Variants in DENND4A observed in about 807,000 individuals in gnomAD.
DENND4A encodes C-myc promoter-binding protein.
A neutral mutation model predicts 199.3 loss-of-function variants in DENND4A; 70 were observed. The observed-to-expected ratio is 0.35, with a 90% CI of 0.29 to 0.43. The LOEUF (loss-of-function observed/expected upper bound fraction) is 0.43, where lower values mean the gene tolerates loss of function less well. Ranked by LOEUF, DENND4A falls within the 20% of genes least tolerant of loss-of-function variation. The probability of loss-of-function intolerance (pLI) is 1.00; values close to 1 mark genes in which losing one functional copy is unlikely to be tolerated. For missense variants in DENND4A, 1,723 were observed against 2,255.8 expected (o/e 0.76, Z 4.78); for synonymous variants, 686 against 766.9 (o/e 0.89, Z 1.74).
intron 1 of DENND4A, among the ~76,000 whole-genome samples, chr15:65,762,850 T>C (rs999527303): frequency 2.6e-5 from 4 of 151,938 alleles, no homozygotes; most frequent in African/African-American, 7.3e-5. Context: ...CGGGTGGAGG[T>C]TGGGGGTATC....
rs1317874728 is a variant in DENND4A, at chr15:65,660,518, T to G, written c.*1333A>C. The G allele has an allele frequency of 2.4e-6, 1 of 425,042 alleles. No individual in the cohort carries two copies. The highest frequency in any genetic ancestry group is 4.2e-6 in the Non-Finnish European group (1 of 240,366). 26.3% of individuals were successfully genotyped at this position (425,042 alleles called of 1,614,324 possible). A position where few individuals can be genotyped will look rare whatever the true frequency, so the allele number is the denominator to read the frequency against. On this transcript the variant is annotated 3_prime_UTR_variant, in exon 33 of 33. Transcript: ENST00000443035. Reference sequence around the variant, plus strand: ...AATGTGTGCAAACACACACACATATTGAAAATCTATAACTAATTCTAGCAG... The same window carrying G: ...AATGTGTGCAAACACACACACATATGGAAAATCTATAACTAATTCTAGCAG...
rs1239060983 is a variant in DENND4A, at chr15:65,691,263, G to A, written c.3331C>T (p.Leu1111Phe). 6.2e-7 allele frequency: 1 copy of A among 1,613,026 alleles called. No homozygotes were observed. Among genetic ancestry groups the A allele is most frequent in the African/African-American group, 1.3e-5 (1 of 74,978 alleles). ...GTGCTTTTTGAGATAACATTTGAAA[G>A]AATTTTTGCATCAGCTCCCAATTTT... Reference protein sequence around the residue: ...VEKLGADAKILSNVISKSTRP... With the variant: ...VEKLGADAKIFSNVISKSTRP... Residue 1111 changes from leucine (L) to phenylalanine (F), a missense_variant, in exon 23 of 33, where the codon CTT becomes TTT. Coordinates refer to ENST00000443035, the MANE Select transcript of DENND4A (RefSeq NM_001320835.1).
chr15:65,752,888 T>C (rs75136148), intron 3 of DENND4A, among the ~76,000 whole-genome samples: 1 of 152,220 alleles, frequency 6.6e-6, no homozygotes, highest in Non-Finnish European at 1.5e-5. Context: ...AATGTGAAGG[T>C]ACCTATTTTG....
chr15:65,694,871 C>T (rs1388163548), intron 22 of DENND4A, among the ~76,000 whole-genome samples: 1 of 152,062 alleles, frequency 6.6e-6, no homozygotes, highest in African/African-American at 2.4e-5. Flanking sequence ...AGATGATTAA[C>T]CAGATGCTTA....
intron 1 of DENND4A, chr15:65,766,531 T>C (rs900300907): frequency 1.3e-5 from 2 of 152,200 alleles, no homozygotes; most frequent in African/African-American, 2.4e-5. Flanking sequence ...AAATATGGTA[T>C]TGTGGGACAC....
chr15:65,737,758 G>C lies in DENND4A; in HGVS notation c.989C>G (p.Thr330Ser). ...PFFDAFRKFL[T>S]FLYRYSISGP... Reference sequence around the variant, plus strand: ...AGAGATGGAATAACGATACAGAAAAGTCAGAAACTTCCTGAATGCATCAAA... The same window carrying C: ...AGAGATGGAATAACGATACAGAAAACTCAGAAACTTCCTGAATGCATCAAA... Residue 330 changes from threonine to serine, a missense_variant, in exon 7 of 33, where the codon ACT becomes AGT. Around this residue, in one of 6 missense-constraint regions of DENND4A, gnomAD observed 725 missense variants for 952.9 expected, o/e 0.76. Transcript: ENST00000443035. 6.3e-7 allele frequency: 1 copy of C among 1,590,426 alleles called. No individual in the cohort carries two copies. Among genetic ancestry groups the C allele is most frequent in the South Asian group, 1.1e-5 (1 of 87,096 alleles).
intron 23 of DENND4A, among the ~76,000 whole-genome samples, chr15:65,685,131 ATTTT>A (rs755319285): frequency 1.5e-5 from 2 of 136,426 alleles, no homozygotes; most frequent in Non-Finnish European, 3.2e-5. Flanking sequence ...CCCGCCCACA[ATTTT>A]TTTTTTTTTG....
chr15:65,782,774 TC>T (rs2077466153), intron 1 of DENND4A, among the ~76,000 whole-genome samples: 1 of 152,240 alleles, frequency 6.6e-6, no homozygotes, highest in Non-Finnish European at 1.5e-5. Flanking sequence ...TTTTAAGCTT[TC>T]AAATATTATT....
At chr15:65,739,506 T>C (rs575499186) in intron 5 of DENND4A, among the ~76,000 whole-genome samples, 2 of 152,288 alleles carry the variant, frequency 1.3e-5, no homozygotes, top group South Asian at 4.1e-4. Context: ...TTCCACTGAA[T>C]ACACTCCAGG....
At chr15:65,709,723 T>TATATATATATATAC (rs2075185350) in intron 14 of DENND4A, among the ~76,000 whole-genome samples, 1 of 99,828 alleles carries the variant, frequency 1.0e-5, no homozygotes, top group African/African-American at 3.4e-5. Flanking sequence ...AAAAAAAATA[T>TATATATATATATAC]ATATATATAT....
chr15:65,765,907 C>T (rs868552762), intron 1 of DENND4A, among the ~76,000 whole-genome samples: 4 of 152,122 alleles, frequency 2.6e-5, no homozygotes, highest in South Asian at 2.1e-4. Flanking sequence ...AAAGTACATA[C>T]GGCCAATGAA....
Position 65,701,125 on chromosome 15 carries a change from T to C in DENND4A, c.2627A>G (p.Asn876Ser). The C allele has an allele frequency of 6.2e-7, 1 of 1,610,788 alleles. No homozygotes were observed. Among genetic ancestry groups the C allele is most frequent in the Non-Finnish European group, 8.5e-7 (1 of 1,178,654 alleles). Residue 876 changes from asparagine to serine, a missense_variant, in exon 19 of 33, where the codon AAT becomes AGT. Coordinates refer to ENST00000443035, the MANE Select transcript of DENND4A (RefSeq NM_001320835.1). ...SGYFLWTKVR[N>S]VVLGVTQFKR... ...GAACTGTGTTACTCCTAAAACAACA[T>C]TTCTTACTTTTGTCCAAAGAAAATA...
At chr15:65,776,284 A>G (rs1388111426) in intron 1 of DENND4A, among the ~76,000 whole-genome samples, 1 of 152,234 alleles carries the variant, frequency 6.6e-6, no homozygotes, top group Non-Finnish European at 1.5e-5. Flanking sequence ...TTAATATTAA[A>G]GAAGGTATAT....
chr15:65,696,625 T>A, intron 21 of DENND4A, 128 bp from the exon 22 acceptor site: 1 of 588,576 alleles, frequency 1.7e-6, no homozygotes, highest in South Asian at 2.2e-5. Flanking sequence ...TGAACACCTC[T>A]ATATCTGTTT....
At chr15:65,668,177 C>T (rs2076102237) in intron 27 of DENND4A, 54 bp from the exon 28 acceptor site, 4 of 1,122,392 alleles carry the variant, frequency 3.6e-6, no homozygotes, top group Admixed American at 5.9e-5. Context: ...TACTTTACTT[C>T]ATCAACAAGG....
intron 14 of DENND4A, among the ~76,000 whole-genome samples, chr15:65,706,817 T>C (rs1227107381): frequency 6.6e-6 from 1 of 151,942 alleles, no homozygotes; most frequent in African/African-American, 2.4e-5. Flanking sequence ...TATATTTACA[T>C]AAAGAAATAC....
At position 65,660,468 on chromosome 15, in the gene DENND4A, G is replaced by A. The variant is rs2141789612; in HGVS notation, c.*1383C>T. On this transcript the variant is annotated 3_prime_UTR_variant, in exon 33 of 33. Coordinates refer to ENST00000443035, the MANE Select transcript of DENND4A (RefSeq NM_001320835.1). ...TCCATTTTTTCCTTCTTTAAAGCTG[G>A]CTAGGGAATTCCTTCACTAATGATA... is the stretch of plus-strand genomic sequence containing the variant. 1 of 550,650 alleles carries A rather than the reference G, an allele frequency of 1.8e-6. No individual in the cohort carries two copies. The highest frequency in any genetic ancestry group is 1.9e-5 in the African/African-American group (1 of 53,106). 34.1% of individuals were successfully genotyped at this position (550,650 alleles called of 1,614,324 possible). A position where few individuals can be genotyped will look rare whatever the true frequency, so the allele number is the denominator to read the frequency against.
chr15:65,791,550 G>A (rs1313796541), intron 1 of DENND4A, among the ~76,000 whole-genome samples: 3 of 151,878 alleles, frequency 2.0e-5, no homozygotes, highest in Admixed American at 1.3e-4. Flanking sequence ...GGGGAAGGCT[G>A]AACAGACCCT....
chr15:65,726,826 C>T (rs868732571), intron 11 of DENND4A, among the ~76,000 whole-genome samples: 1 of 152,022 alleles, frequency 6.6e-6, no homozygotes, highest in East Asian at 1.9e-4. Flanking sequence ...TGTGGTGGCA[C>T]ACACCTGTAG....
Sources: gnomAD v4.1 joint callset for allele counts (sites outside exome capture counted in the v4.1 genomes callset) on GRCh38, gnomAD v4.1.1 for gene constraint, gnomAD v4.1.1 regional missense constraint, MANE v1.5 for transcripts, NCBI Gene and HGNC (gene_info 2026-07-23, HGNC 2026-07-21) for gene names.